The following DHX40 variants were observed in gnomAD, a reference collection of about 807,000 sequenced individuals.
DHX40 encodes the protein probable ATP-dependent RNA helicase DHX40.
In DHX40, 28 loss-of-function variants were observed where a neutral mutation model predicts 89.6. The ratio of observed to expected loss-of-function variants is 0.31; its 90% CI spans 0.23 to 0.43. The LOEUF (loss-of-function observed/expected upper bound fraction) is 0.43. Ranked by LOEUF, DHX40 falls within the 20% of genes least tolerant of loss-of-function variation. The pLI, the probability that DHX40 is intolerant of heterozygous loss-of-function variation, is 1.00. For synonymous variants in DHX40, 226 were observed against 283.6 expected, an observed-to-expected ratio of 0.80 and a Z score of 2.04; for missense variants, 457 against 844.0, an observed-to-expected ratio of 0.54 and a Z score of 5.68.
At chr17:59,567,486 A>G (rs2048722935) in intron 2 of DHX40, among the ~76,000 whole-genome samples, 1 of 152,194 alleles carries the variant, frequency 6.6e-6, no homozygotes. Flanking sequence ...TGAAATGAGC[A>G]ATCTGCTTTT....
intron 12 of DHX40, among the ~76,000 whole-genome samples, chr17:59,590,612 G>A (rs1355409329): frequency 6.6e-6 from 1 of 151,554 alleles, no homozygotes; most frequent in Admixed American, 6.6e-5. Flanking sequence ...TGGGACCACA[G>A]ATGCTTGCTA....
chr17:59,598,126 G>C (rs2143338574), intron 12 of DHX40, among the ~76,000 whole-genome samples: 1 of 152,062 alleles, frequency 6.6e-6, no homozygotes, highest in Non-Finnish European at 1.5e-5. Context: ...CTTGGCCTTT[G>C]AAATTGCTGG....
Position 59,605,612 on chromosome 17 carries a change from G to A in DHX40, c.2138G>A (p.Arg713His), listed in dbSNP as rs374274847. The A allele has an allele frequency of 4.3e-6, 7 of 1,614,076 alleles. No homozygotes were observed. Among genetic ancestry groups the A allele is most frequent in the Admixed American group, 1.7e-5 (1 of 60,016 alleles). Residue 713 changes from arginine to histidine, a missense_variant, in exon 17 of 18, where the codon CGT (arginine) becomes CAT (histidine). Transcript: ENST00000251241. Reference protein sequence around the residue: ...NAHDLSSVARREVREDARRRW... With the variant: ...NAHDLSSVARHEVREDARRRW... ...CATGATTTGAGCAGTGTGGCCCGAC[G>A]TGAAGTGAGAGAAGATGCAAGAAGG...
intron 12 of DHX40, among the ~76,000 whole-genome samples, chr17:59,591,394 T>G (rs1330532489): frequency 6.6e-6 from 1 of 151,636 alleles, no homozygotes; most frequent in Non-Finnish European, 1.5e-5. Flanking sequence ...GAGTGCAGGG[T>G]TCTGTCCAGC....
At chr17:59,566,056 A>G (rs533519801) in intron 1 of DHX40, among the ~76,000 whole-genome samples, 1 of 152,314 alleles carries the variant, frequency 6.6e-6, no homozygotes, top group East Asian at 1.9e-4. Flanking sequence ...ACAGGCTCAT[A>G]GACCCTTTGT....
intron 8 of DHX40, among the ~76,000 whole-genome samples, chr17:59,577,733 A>G (rs1229881314): frequency 6.6e-6 from 1 of 152,184 alleles, no homozygotes; most frequent in East Asian, 1.9e-4. Context: ...GACCACAGGC[A>G]TGTGTCACCG....
intron 7 of DHX40, among the ~76,000 whole-genome samples, chr17:59,576,717 T>C (rs1350424487): frequency 6.6e-6 from 1 of 152,194 alleles, no homozygotes; most frequent in Non-Finnish European, 1.5e-5. Context: ...ATAATTTACA[T>C]TGAAACTGAT....
chr17:59,602,004 A>G (rs2030558001), intron 14 of DHX40, among the ~76,000 whole-genome samples: 1 of 152,162 alleles, frequency 6.6e-6, no homozygotes, highest in Admixed American at 6.5e-5. Flanking sequence ...TATCCTTTTA[A>G]GAGGTTCTTT....
intron 14 of DHX40, 144 bp from the exon 15 acceptor site, chr17:59,602,378 G>T: frequency 2.0e-5 from 12 of 602,916 alleles, no homozygotes; most frequent in South Asian, 8.8e-5. Flanking sequence ...CATTTTTTTG[G>T]TTTCAGGTGG....
intron 14 of DHX40, among the ~76,000 whole-genome samples, chr17:59,601,016 A>G (rs1208498093): frequency 2.6e-5 from 4 of 151,472 alleles, no homozygotes; most frequent in Non-Finnish European, 5.9e-5. Flanking sequence ...ATAACTCCCC[A>G]TTCCCGACAG....
At chr17:59,585,646 C>T (rs1266038103) in intron 10 of DHX40, among the ~76,000 whole-genome samples, 1 of 150,584 alleles carries the variant, frequency 6.6e-6, no homozygotes, top group African/African-American at 2.5e-5. Flanking sequence ...TTGCTTGAAC[C>T]TGGGAGATGG....
rs772952298 is a variant in DHX40, at chr17:59,607,236, A to C, written c.*64A>C. Reference sequence around the variant, plus strand: ...CCAGGAAATGTGCTTCTACTTTGCCAGTTATTTCAGACAGCACTACCAAGA... The same window carrying C: ...CCAGGAAATGTGCTTCTACTTTGCCCGTTATTTCAGACAGCACTACCAAGA... On this transcript the variant is annotated 3_prime_UTR_variant, in exon 18 of 18. Coordinates refer to ENST00000251241, the MANE Select transcript of DHX40 (RefSeq NM_024612.5). 1.9e-6 allele frequency: 3 copies of C among 1,614,110 alleles called. No homozygotes were observed. In the East Asian group the frequency reaches 6.7e-5, roughly 36 times the overall value.
chr17:59,585,390 A>G, intron 10 of DHX40, among the ~76,000 whole-genome samples: 1 of 137,192 alleles, frequency 7.3e-6, no homozygotes. Context: ...GCAGAGTGAG[A>G]CTCCGTCTCA....
Position 59,607,690 on chromosome 17 carries a change from C to T in DHX40, c.*518C>T, listed in dbSNP as rs997866299. ...ACTTAGATGTCTAACTGTTTAATTG[C>T]TACAGAGCTTTATAGATATTTAGAG... On this transcript the variant is annotated 3_prime_UTR_variant, in exon 18 of 18. Coordinates refer to ENST00000251241, the MANE Select transcript of DHX40 (RefSeq NM_024612.5). 1 of 163,394 alleles carries T rather than the reference C, an allele frequency of 6.1e-6. No homozygotes were observed. The highest frequency in any genetic ancestry group is 1.3e-5 in the Non-Finnish European group (1 of 75,366). 10.1% of individuals were successfully genotyped at this position (163,394 alleles called of 1,614,324 possible). A position where few individuals can be genotyped will look rare whatever the true frequency, so the allele number is the denominator to read the frequency against.
At chr17:59,605,832 G>T in intron 17 of DHX40, 158 bp downstream of exon 17, 3 of 740,652 alleles carry the variant, frequency 4.1e-6, no homozygotes, top group Non-Finnish European at 7.0e-6. Flanking sequence ...AGGCATGTTG[G>T]TGTGCACCTG....
intron 12 of DHX40, among the ~76,000 whole-genome samples, chr17:59,590,609 A>G (rs2049068753): frequency 6.6e-6 from 1 of 151,512 alleles, no homozygotes; most frequent in Admixed American, 6.6e-5. Flanking sequence ...AGCTGGGACC[A>G]CAGATGCTTG....
At chr17:59,571,613 C>T (rs779697619) in intron 3 of DHX40, among the ~76,000 whole-genome samples, 24 of 149,080 alleles carry the variant, frequency 1.6e-4, no homozygotes, top group Non-Finnish European at 3.3e-4. Flanking sequence ...TTTTTTGAGA[C>T]GAAGTCTCAC....
At chr17:59,590,767 G>A (rs1017322095) in intron 12 of DHX40, among the ~76,000 whole-genome samples, 54 of 151,850 alleles carry the variant, frequency 3.6e-4, no homozygotes, top group African/African-American at 1.2e-3. Flanking sequence ...ATTGCACCCA[G>A]CAGTTGCAGT....
chr17:59,590,803 G>C (rs1238458680), intron 12 of DHX40, among the ~76,000 whole-genome samples: 1 of 151,718 alleles, frequency 6.6e-6, no homozygotes, highest in Non-Finnish European at 1.5e-5. Flanking sequence ...TTTAATTCTG[G>C]TAATACCCCT....
Sources: gnomAD v4.1 joint callset for allele counts (sites outside exome capture counted in the v4.1 genomes callset) on GRCh38, gnomAD v4.1.1 for gene constraint, MANE v1.5 for transcripts, NCBI Gene and HGNC (gene_info 2026-07-23, HGNC 2026-07-21) for gene names.